The following SPIDR variants were observed in gnomAD, a reference collection of about 807,000 sequenced individuals.
SPIDR encodes scaffold protein involved in DNA repair, also known as DNA repair-scaffolding protein.
A neutral mutation model predicts 104.6 loss-of-function variants in SPIDR; 93 were observed. That is an observed-to-expected ratio of 0.89 (90% CI 0.75 to 1.06). The LOEUF is 1.06. Among genes scored for constraint, SPIDR ranks in the 50% least tolerant of loss-of-function variants. The pLI, the probability that SPIDR is intolerant of heterozygous loss-of-function variation, is 0.00. For synonymous variants in SPIDR, 431 were observed against 416.9 expected (o/e 1.03, Z -0.41); for missense variants, 1,154 against 1,111.2 (o/e 1.04, Z -0.55).
intron 5 of SPIDR, among the ~76,000 whole-genome samples, chr8:47,342,589 G>C (rs1255809281): frequency 6.6e-6 from 1 of 151,978 alleles, no homozygotes; most frequent in Non-Finnish European, 1.5e-5. Flanking sequence ...CACCTGCCTC[G>C]TCCTCCCGAA....
intron 17 of SPIDR, among the ~76,000 whole-genome samples, chr8:47,728,159 A>C (rs2084600055): frequency 6.7e-6 from 1 of 149,318 alleles, no homozygotes; most frequent in Non-Finnish European, 1.5e-5. Flanking sequence ...GGCCAGGTGC[A>C]GTGTCTCACG....
chr8:47,608,100 C>T lies in SPIDR; in HGVS notation c.1544+8904C>T, dbSNP rs185824554. Among the ~76,000 whole-genome samples, 1,105 of 152,304 alleles carry T rather than the reference C, an allele frequency of 7.3e-3. 7 individuals are homozygous for T. The highest frequency in any genetic ancestry group is 0.011 in the Non-Finnish European group (744 of 68,028). On this transcript the variant is annotated intron_variant, in intron 10 of 19. Coordinates refer to ENST00000297423, the MANE Select transcript of SPIDR (RefSeq NM_001080394.4). ...CAAAAAGAAACCCCATACCAATTGA[C>T]TGCCAATTCCCAATTCTTCCCAGCC...
intron 11 of SPIDR, among the ~76,000 whole-genome samples, chr8:47,699,755 A>G (rs1273988178): frequency 3.3e-5 from 5 of 152,224 alleles, no homozygotes; most frequent in Admixed American, 3.3e-4. Context: ...GGGTTTCACC[A>G]TGTTGGCCAG....
intron 7 of SPIDR, among the ~76,000 whole-genome samples, chr8:47,422,388 G>T (rs782436869): frequency 7.9e-5 from 12 of 152,212 alleles, no homozygotes; most frequent in Non-Finnish European, 1.5e-4. Context: ...GAGGCTCTGT[G>T]GGCGTAGGAC....
intron 5 of SPIDR, chr8:47,357,776 GAA>G: frequency 1.2e-6 from 1 of 820,340 alleles, no homozygotes; most frequent in South Asian, 5.6e-5. Flanking sequence ...TTGGAGTTCT[GAA>G]AAAAAATTAG....
At position 47,329,986 on chromosome 8, in the gene SPIDR, A is replaced by G. The variant is rs145119896; in HGVS notation, c.525+35956A>G. On this transcript the variant is annotated intron_variant, in intron 5 of 19. Transcript: ENST00000297423. ...ATCAGCTAAGAAAACAAATACGCAC[A>G]TATGCTGAGTTTTAATTAGATAATT... Among the ~76,000 whole-genome samples the G allele has an allele frequency of 3.3e-5, 5 of 152,354 alleles. No homozygotes were observed. In the East Asian group the frequency reaches 9.6e-4, roughly 29 times the overall value.
chr8:47,551,794 A>G (rs922380653), intron 8 of SPIDR, among the ~76,000 whole-genome samples: 8 of 151,854 alleles, frequency 5.3e-5, no homozygotes, highest in Non-Finnish European at 2.9e-5. Flanking sequence ...GATCTTAGTT[A>G]TTTCTTGCCT....
At chr8:47,696,805 A>G (rs2079393755) in intron 11 of SPIDR, among the ~76,000 whole-genome samples, 1 of 152,250 alleles carries the variant, frequency 6.6e-6, no homozygotes, top group Non-Finnish European at 1.5e-5. Context: ...ACAGAATCCT[A>G]CAAGGGAGGA....
intron 4 of SPIDR, among the ~76,000 whole-genome samples, chr8:47,291,806 C>T (rs2039952518): frequency 6.6e-6 from 1 of 152,148 alleles, no homozygotes; most frequent in Non-Finnish European, 1.5e-5. Context: ...CTGTGACAAC[C>T]AGTGTGTGGT....
chr8:47,308,314 C>T (rs1406405864), intron 5 of SPIDR, among the ~76,000 whole-genome samples: 2 of 151,900 alleles, frequency 1.3e-5, no homozygotes, highest in Non-Finnish European at 2.9e-5. Flanking sequence ...CTGCCCACCT[C>T]AGCCTCCCAA....
chr8:47,431,580 C>T (rs1193427015), intron 7 of SPIDR, among the ~76,000 whole-genome samples: 5 of 152,112 alleles, frequency 3.3e-5, no homozygotes, highest in Admixed American at 2.0e-4. Flanking sequence ...ACCCTGGAGG[C>T]GGAGGTGCTC....
intron 14 of SPIDR, among the ~76,000 whole-genome samples, chr8:47,709,854 C>T (rs914180056): frequency 2.0e-5 from 3 of 151,340 alleles, no homozygotes; most frequent in Non-Finnish European, 4.4e-5. Context: ...GATAATCTTA[C>T]AGAAATCTTT....
rs1164662480 is a variant in SPIDR at position 47,407,786 on chromosome 8, A to G, written c.777-75A>G. The stretch of plus-strand genomic sequence containing the variant: ...ATCTGTTTGTCTCTGGTTGGGGGGT[A>G]TACAATATAAATGTTCCAGTGATTC... On this transcript the variant is annotated intron_variant, in intron 6 of 19. Coordinates refer to ENST00000297423, the MANE Select transcript of SPIDR (RefSeq NM_001080394.4). 6 of 820,806 alleles carry G rather than the reference A, an allele frequency of 7.3e-6. No individual in the cohort carries two copies. In the East Asian group the frequency reaches 1.7e-4, roughly 23 times the overall value. 50.8% of individuals were successfully genotyped at this position (820,806 alleles called of 1,614,324 possible).
intron 8 of SPIDR, among the ~76,000 whole-genome samples, chr8:47,553,821 A>G (rs937291509): frequency 6.6e-6 from 1 of 152,138 alleles, no homozygotes; most frequent in Non-Finnish European, 1.5e-5. Flanking sequence ...GGAGGAGAAG[A>G]GGCACTCTGA....
intron 8 of SPIDR, among the ~76,000 whole-genome samples, chr8:47,504,525 T>G (rs1234276062): frequency 6.6e-6 from 1 of 152,222 alleles, no homozygotes; most frequent in African/African-American, 2.4e-5. Flanking sequence ...TTATTCTAGT[T>G]AGCCATTCGT....
chr8:47,724,257 A>G (rs2154492740), intron 16 of SPIDR, among the ~76,000 whole-genome samples: 1 of 152,322 alleles, frequency 6.6e-6, no homozygotes, highest in South Asian at 2.1e-4. Flanking sequence ...AGAACCAGTC[A>G]ACTAGGCATT....
At chr8:47,564,318 C>G (rs1427437658) in intron 8 of SPIDR, among the ~76,000 whole-genome samples, 1 of 152,020 alleles carries the variant, frequency 6.6e-6, no homozygotes, top group East Asian at 2.0e-4. Context: ...ACTTTGTGAT[C>G]TGCCCGGCTC....
chr8:47,461,971 G>A lies in SPIDR; in HGVS notation c.1097+21429G>A, dbSNP rs538167338. Among the ~76,000 whole-genome samples the A allele has an allele frequency of 2.6e-4, 39 of 151,946 alleles. No individual in the cohort carries two copies. The South Asian group carries it at 6.9e-3, about 27-fold the overall frequency. Reference sequence around the variant, plus strand: ...TTCCTGGTGAGCTGGTGTGATTTTTGGGGGGTGTTAAAGCACCTTGTTTTG... The same window carrying A: ...TTCCTGGTGAGCTGGTGTGATTTTTAGGGGGTGTTAAAGCACCTTGTTTTG... On this transcript the variant is annotated intron_variant, in intron 8 of 19. Coordinates refer to ENST00000297423, the MANE Select transcript of SPIDR (RefSeq NM_001080394.4).
chr8:47,267,517 CTTGCCATTGCCTGTCTT>C (rs2154211900), intron 1 of SPIDR, among the ~76,000 whole-genome samples: 1 of 152,312 alleles, frequency 6.6e-6, no homozygotes, highest in Non-Finnish European at 1.5e-5. Context: ...CTTGCTAACA[CTTGCCATTGCCTGTCTT>C]TTACTTTTAG....
Sources: allele counts gnomAD v4.1 joint callset (sites outside exome capture counted in the v4.1 genomes callset), GRCh38; gene constraint gnomAD v4.1.1; transcripts MANE v1.5; gene names NCBI Gene and HGNC (gene_info 2026-07-23, HGNC 2026-07-21).